CAST: variants seen among roughly 807,000 people sequenced by gnomAD.
The protein encoded by CAST is MIR583 host.
Under a neutral mutation model 119.6 loss-of-function variants are expected in CAST, and 76 were observed. The ratio of observed to expected loss-of-function variants is 0.64; its 90% CI spans 0.53 to 0.77. The LOEUF (loss-of-function observed/expected upper bound fraction) is 0.77, where lower values mean the gene tolerates loss of function less well. CAST is among the 30% of genes least tolerant of loss of function. CAST has a pLI of 0.00. For synonymous variants in CAST, 319 were observed against 331.6 expected, an observed-to-expected ratio of 0.96 and a Z score of 0.41; for missense variants, 953 against 946.5, an observed-to-expected ratio of 1.01 and a Z score of -0.09.
intron 5 of CAST, among the ~76,000 whole-genome samples, chr5:96,727,247 A>G (rs1476761800): frequency 6.6e-6 from 1 of 152,244 alleles, no homozygotes; most frequent in African/African-American, 2.4e-5. Flanking sequence ...ATACCTAGCA[A>G]GGAGATATAA....
chr5:96,726,910 A>G (rs751514093), intron 5 of CAST, 51 bp downstream of exon 5: 6 of 1,282,890 alleles, frequency 4.7e-6, no homozygotes, highest in South Asian at 3.7e-5. Context: ...CGGTTACATC[A>G]CCCGCTCAGC....
the CAST span, chr5:95,961,599 C>G: frequency 4.4e-6 from 7 of 1,604,724 alleles, no homozygotes; most frequent in South Asian, 2.2e-5. Flanking sequence ...AAGTCTCGAG[C>G]GCCCGGATCG....
the CAST span, among the ~76,000 whole-genome samples, chr5:96,251,060 C>G: frequency 6.6e-6 from 1 of 152,146 alleles, no homozygotes; most frequent in African/African-American, 2.4e-5. Flanking sequence ...TTGGGCAAAG[C>G]TTTGTTCATC....
Position 96,757,732 on chromosome 5 carries a change from C to A in CAST, c.1833+78C>A, listed in dbSNP as rs1414181392. On this transcript the variant is annotated intron_variant, in intron 24 of 31. Coordinates refer to ENST00000675179, the MANE Select transcript of CAST (RefSeq NM_001750.7). ...TTGAGATGGAGTCTTGCTCTGTCATCCAGGCGGGAGTACAGTGGTGCCATC... is the reference window on the plus strand; with the variant it reads ...TTGAGATGGAGTCTTGCTCTGTCATACAGGCGGGAGTACAGTGGTGCCATC... 14 of 978,632 alleles carry A rather than the reference C, an allele frequency of 1.4e-5. No individual in the cohort carries two copies. The East Asian group carries it at 3.1e-4, about 21-fold the overall frequency. 60.6% of individuals were successfully genotyped at this position (978,632 alleles called of 1,614,324 possible). A position where few individuals can be genotyped will look rare whatever the true frequency, so the allele number is the denominator to read the frequency against.
intron 3 of CAST, among the ~76,000 whole-genome samples, chr5:96,697,202 A>G (rs541969372): frequency 1.2e-4 from 18 of 152,304 alleles, no homozygotes; most frequent in Middle Eastern, 6.8e-3. Context: ...CATTCAACCC[A>G]TTTCAACTTT....
At chr5:96,263,414 C>T in the CAST span, among the ~76,000 whole-genome samples, 3 of 151,938 alleles carry the variant, frequency 2.0e-5, no homozygotes, top group East Asian at 1.9e-4. Context: ...CTGAGAGTGA[C>T]GAGCCATTAT....
chr5:96,350,858 A>G, the CAST span, among the ~76,000 whole-genome samples: 2 of 152,148 alleles, frequency 1.3e-5, no homozygotes, highest in Non-Finnish European at 2.9e-5. Context: ...TTATCATTGC[A>G]CAATCACAAC....
At chr5:96,193,469 T>G in the CAST span, among the ~76,000 whole-genome samples, 1 of 152,266 alleles carries the variant, frequency 6.6e-6, no homozygotes, top group Non-Finnish European at 1.5e-5. Flanking sequence ...ACATTATCAA[T>G]TATTTGAATG....
chr5:96,380,788 T>A, the CAST span, among the ~76,000 whole-genome samples: 3 of 152,236 alleles, frequency 2.0e-5, no homozygotes, highest in Non-Finnish European at 2.9e-5. Flanking sequence ...ATGAAATGTG[T>A]CAATATTTGG....
chr5:96,421,812 A>G, the CAST span: 1 of 871,604 alleles, frequency 1.1e-6, no homozygotes, highest in East Asian at 2.4e-5. Context: ...AATATATGGT[A>G]TAATTTTCTC....
chr5:96,654,989 T>C (rs531492690), intron 1 of CAST, among the ~76,000 whole-genome samples: 2 of 152,334 alleles, frequency 1.3e-5, no homozygotes, highest in Non-Finnish European at 2.9e-5. Flanking sequence ...ACCCAAATGC[T>C]CACATCTAGT....
chr5:96,385,508 C>T, the CAST span, among the ~76,000 whole-genome samples: 1 of 152,142 alleles, frequency 6.6e-6, no homozygotes. Context: ...TCTCAGTTTC[C>T]ATATATGTAA....
chr5:96,270,510 G>A, the CAST span, among the ~76,000 whole-genome samples: 3 of 152,122 alleles, frequency 2.0e-5, no homozygotes, highest in African/African-American at 7.2e-5. Context: ...CTTCACCTAT[G>A]GAATACTATG....
chr5:96,243,724 A>G, the CAST span, among the ~76,000 whole-genome samples: 221 of 152,278 alleles, frequency 1.5e-3, 1 homozygote, highest in Non-Finnish European at 2.7e-3. Context: ...TATCAAATGT[A>G]GTGGATTTTG....
the CAST span, among the ~76,000 whole-genome samples, chr5:96,373,080 T>A: frequency 2.2e-3 from 335 of 152,304 alleles, no homozygotes; most frequent in Non-Finnish European, 3.4e-3. Context: ...CATGCATATT[T>A]TTTCTGCTAT....
At chr5:96,535,827 C>A (rs1223391513) in intron 1 of CAST, among the ~76,000 whole-genome samples, 2 of 150,648 alleles carry the variant, frequency 1.3e-5, no homozygotes, top group Non-Finnish European at 3.0e-5. Flanking sequence ...CCCGCCTCGG[C>A]CTCCCAAAGT....
At chr5:96,327,558 G>A in the CAST span, among the ~76,000 whole-genome samples, 1 of 152,164 alleles carries the variant, frequency 6.6e-6, no homozygotes, top group Non-Finnish European at 1.5e-5. Flanking sequence ...CTTGAAAACG[G>A]CAGAGTGACC....
At chr5:96,141,636 A>C in the CAST span, among the ~76,000 whole-genome samples, 1 of 152,324 alleles carries the variant, frequency 6.6e-6, no homozygotes, top group Admixed American at 6.5e-5. Context: ...TAAAGTCTAT[A>C]TCTCTATTGC....
intron 1 of CAST, among the ~76,000 whole-genome samples, chr5:96,560,320 C>A (rs935971790): frequency 5.9e-5 from 9 of 151,860 alleles, no homozygotes; most frequent in Non-Finnish European, 1.2e-4. Flanking sequence ...TCTAAAACAC[C>A]AAAAGCAATG....
Sources: allele counts gnomAD v4.1 joint callset (sites outside exome capture counted in the v4.1 genomes callset), GRCh38; gene constraint gnomAD v4.1.1; transcripts MANE v1.5; gene names NCBI Gene and HGNC (gene_info 2026-07-23, HGNC 2026-07-21).